FOXO3: variants seen among roughly 807,000 people sequenced by gnomAD.
FOXO3 encodes the protein forkhead box O3.
Under a neutral mutation model 41.9 loss-of-function variants are expected in FOXO3, and 4 were observed. The observed-to-expected ratio is 0.10, with a 90% CI of 0.05 to 0.22. The LOEUF (loss-of-function observed/expected upper bound fraction) is 0.22, where lower values mean the gene tolerates loss of function less well. FOXO3 is among the 10% of genes least tolerant of loss of function. The pLI is 1.00. For missense variants in FOXO3, 534 were observed against 906.8 expected (o/e 0.59, Z 5.28); for synonymous variants, 318 against 389.3 (o/e 0.82, Z 2.16).
At chr6:108,586,114 T>C (rs932060938) in intron 1 of FOXO3, among the ~76,000 whole-genome samples, 1 of 152,200 alleles carries the variant, frequency 6.6e-6, no homozygotes, top group African/African-American at 2.4e-5. Context: ...CAAACTTGTT[T>C]ATGTTCCTCC....
chr6:108,656,398 T>G (rs1408417340), intron 1 of FOXO3: 1 of 985,226 alleles, frequency 1.0e-6, no homozygotes, highest in Non-Finnish European at 1.2e-6. Flanking sequence ...GAAGCGGACG[T>G]AGGGTACAAA....
chr6:108,575,388 A>AG (rs890875716), intron 1 of FOXO3, among the ~76,000 whole-genome samples: 3 of 151,154 alleles, frequency 2.0e-5, no homozygotes, highest in Admixed American at 6.6e-5. Flanking sequence ...TAAAAAAAAA[A>AG]AAAAGAAAAG....
chr6:108,642,499 T>C (rs1778288056), intron 1 of FOXO3, among the ~76,000 whole-genome samples: 1 of 152,002 alleles, frequency 6.6e-6, no homozygotes, highest in Admixed American at 6.6e-5. Context: ...CAGGATAATA[T>C]CCATATAAAC....
chr6:108,581,237 C>CT (rs1189996612), intron 1 of FOXO3, among the ~76,000 whole-genome samples: 1 of 152,158 alleles, frequency 6.6e-6, no homozygotes, highest in East Asian at 1.9e-4. Flanking sequence ...AAGAAGGTGA[C>CT]TGTAACAGGC....
At chr6:108,575,660 C>G (rs1776242436) in intron 1 of FOXO3, among the ~76,000 whole-genome samples, 1 of 152,150 alleles carries the variant, frequency 6.6e-6, no homozygotes, top group Non-Finnish European at 1.5e-5. Flanking sequence ...GCATTTCAGT[C>G]CGAATTGGAT....
intron 1 of FOXO3, among the ~76,000 whole-genome samples, chr6:108,576,530 G>A (rs972353753): frequency 6.6e-6 from 1 of 152,170 alleles, no homozygotes; most frequent in Admixed American, 6.5e-5. Flanking sequence ...TGAAAACTGT[G>A]TCTTCTAAGT....
intron 1 of FOXO3, among the ~76,000 whole-genome samples, chr6:108,562,643 G>A (rs111505354): frequency 0.036 from 5,454 of 152,256 alleles, 136 homozygotes; most frequent in Middle Eastern, 0.095. Flanking sequence ...CATTCACTCT[G>A]GCGTTTGGGA....
intron 1 of FOXO3, among the ~76,000 whole-genome samples, chr6:108,583,426 G>T (rs1232739961): frequency 6.6e-6 from 1 of 152,214 alleles, no homozygotes; most frequent in Non-Finnish European, 1.5e-5. Context: ...TGGGAAAGAA[G>T]TATATTGCAT....
intron 1 of FOXO3, among the ~76,000 whole-genome samples, chr6:108,583,565 C>T (rs1214576661): frequency 2.0e-5 from 3 of 152,128 alleles, no homozygotes; most frequent in Non-Finnish European, 4.4e-5. Context: ...GCTGGGCAAC[C>T]CATATATTAA....
intron 1 of FOXO3, among the ~76,000 whole-genome samples, chr6:108,564,234 A>T (rs748430436): frequency 6.6e-6 from 1 of 152,192 alleles, no homozygotes; most frequent in Non-Finnish European, 1.5e-5. Flanking sequence ...GATGATGGAG[A>T]AGGCCCTTTG....
intron 1 of FOXO3, among the ~76,000 whole-genome samples, chr6:108,578,933 C>T (rs1381074069): frequency 6.6e-6 from 1 of 152,146 alleles, no homozygotes; most frequent in African/African-American, 2.4e-5. Context: ...CAGATCCAAA[C>T]AAGTATGCTG....
chr6:108,645,458 C>CTT (rs754308130), intron 1 of FOXO3, among the ~76,000 whole-genome samples: 3,238 of 141,444 alleles, frequency 0.023, 111 homozygotes, highest in African/African-American at 0.064. Flanking sequence ...CCCAGAATTG[C>CTT]TTTTTTTTTT....
rs192982176 is a variant in FOXO3 at position 108,632,874 on chromosome 6, A to G, written c.622-30581A>G. Among the ~76,000 whole-genome samples, 55 of 152,256 alleles carry G rather than the reference A, an allele frequency of 3.6e-4. No individual in the cohort carries two copies. In the East Asian group the frequency reaches 5.4e-3, roughly 15 times the overall value. On this transcript the variant is annotated intron_variant, in intron 1 of 2. Coordinates refer to ENST00000406360, the MANE Select transcript of FOXO3 (RefSeq NM_001455.4). ...ATGAAGCTGGAACTTTAAATGGTTT[A>G]TGTGTGTTTTATAAAACTTTTTAAA...
At chr6:108,582,853 A>C (rs930456768) in intron 1 of FOXO3, among the ~76,000 whole-genome samples, 1 of 152,064 alleles carries the variant, frequency 6.6e-6, no homozygotes, top group Non-Finnish European at 1.5e-5. Context: ...CCTTCTCAGC[A>C]GCCCTGCTTT....
At chr6:108,602,115 A>G (rs1247375112) in intron 1 of FOXO3, among the ~76,000 whole-genome samples, 2 of 152,192 alleles carry the variant, frequency 1.3e-5, no homozygotes, top group Admixed American at 6.5e-5. Context: ...TTTTCCCCCT[A>G]GTTTTTCTGC....
intron 1 of FOXO3, among the ~76,000 whole-genome samples, chr6:108,586,181 A>C (rs577764430): frequency 6.6e-6 from 1 of 152,330 alleles, no homozygotes; most frequent in East Asian, 1.9e-4. Context: ...CCTGAGGGTG[A>C]AGGACAACAT....
At chr6:108,565,379 A>G (rs956233386) in intron 1 of FOXO3, among the ~76,000 whole-genome samples, 1 of 152,204 alleles carries the variant, frequency 6.6e-6, no homozygotes, top group African/African-American at 2.4e-5. Flanking sequence ...AGAGGGGAAA[A>G]GGTTACATTT....
intron 1 of FOXO3, among the ~76,000 whole-genome samples, chr6:108,621,277 T>G (rs1219983131): frequency 6.6e-6 from 1 of 152,116 alleles, no homozygotes; most frequent in Non-Finnish European, 1.5e-5. Context: ...CAGGCTGTAG[T>G]CATTGGGGTG....
At chr6:108,672,925 TAAG>T (rs1312116949) in intron 2 of FOXO3, among the ~76,000 whole-genome samples, 5 of 152,300 alleles carry the variant, frequency 3.3e-5, no homozygotes, top group Non-Finnish European at 5.9e-5. Flanking sequence ...AATCAGTGAC[TAAG>T]AAGAGAAGGC....
Sources: allele counts gnomAD v4.1 joint callset (sites outside exome capture counted in the v4.1 genomes callset), GRCh38; gene constraint gnomAD v4.1.1; transcripts MANE v1.5; gene names NCBI Gene and HGNC (gene_info 2026-07-23, HGNC 2026-07-21).